The following EPHA3 variants were observed in gnomAD, a reference collection of about 807,000 sequenced individuals.
EPHA3 encodes the protein EPH receptor A3, also known as ephrin type-A receptor 3.
In EPHA3, 42 loss-of-function variants were observed where a neutral mutation model predicts 107.1. The observed-to-expected ratio is 0.39, with a 90% confidence interval of 0.31 to 0.51. EPHA3 has a LOEUF of 0.51. Among genes scored for constraint, EPHA3 ranks in the 20% least tolerant of loss-of-function variants. The pLI is 0.78. For missense variants in EPHA3, 1,183 were observed against 1,211.2 expected (o/e 0.98, Z 0.35); for synonymous variants, 461 against 424.8 (o/e 1.09, Z -1.05).
intron 3 of EPHA3, among the ~76,000 whole-genome samples, chr3:89,284,542 T>C (rs768131541): frequency 2.8e-4 from 43 of 152,302 alleles, no homozygotes; most frequent in Non-Finnish European, 5.4e-4. Flanking sequence ...ATTTCCTCTA[T>C]GTAGAAAATA....
intron 5 of EPHA3, among the ~76,000 whole-genome samples, chr3:89,387,277 A>G (rs553527122): frequency 3.9e-5 from 6 of 152,110 alleles, no homozygotes; most frequent in Non-Finnish European, 8.8e-5. Context: ...GTGGGAGGTA[A>G]TTAAATCATG....
Position 89,308,617 on chromosome 3 carries a change from T to C in EPHA3, c.815-32299T>C, listed in dbSNP as rs528728105. 6.3e-3 allele frequency among the ~76,000 whole-genome samples: 925 copies of C among 147,844 alleles called. 11 individuals carry two copies. Among genetic ancestry groups the C allele is most frequent in the Middle Eastern group, 0.017 (5 of 290 alleles). ...AGCCAAGGGAATTTTTTTTTTTTTT[T>C]AGTTTTCCAATAATTTGCAACTACA... On this transcript the variant is annotated intron_variant, in intron 3 of 16. Transcript: ENST00000336596.
At position 89,407,922 on chromosome 3, in the gene EPHA3, G is replaced by A. The variant is rs1403427484; in HGVS notation, c.1698-145G>A. ...AGAGGGGCTTTCTTCAGAGGATTTT[G>A]AAAATATGAAGTTATTAAACTTTCA... On this transcript the variant is annotated intron_variant, in intron 8 of 16. Transcript: ENST00000336596. 13 of 821,406 alleles carry A rather than the reference G, an allele frequency of 1.6e-5. No individual in the cohort carries two copies. The Middle Eastern group carries it at 2.3e-3, about 142-fold the overall frequency. The allele number at this position is 821,406 out of a possible 1,614,324, so 50.9% of individuals were successfully genotyped here.
chr3:89,337,962 T>G (rs760235057), intron 3 of EPHA3, among the ~76,000 whole-genome samples: 24 of 152,210 alleles, frequency 1.6e-4, no homozygotes, highest in Non-Finnish European at 2.6e-4. Flanking sequence ...CATGATCACA[T>G]GTAAGCTGCT....
At chr3:89,393,563 T>C (rs1316444114) in intron 5 of EPHA3, among the ~76,000 whole-genome samples, 1 of 152,214 alleles carries the variant, frequency 6.6e-6, no homozygotes, top group East Asian at 1.9e-4. Flanking sequence ...AAATTAAATG[T>C]AGGACCTCAT....
intron 3 of EPHA3, among the ~76,000 whole-genome samples, chr3:89,261,717 C>T (rs371834457): frequency 3.9e-5 from 6 of 152,002 alleles, no homozygotes; most frequent in African/African-American, 7.2e-5. Context: ...GTATCAGATA[C>T]GCACTCATTT....
chr3:89,352,923 A>AAAAAAAAAAAAAAAAAAAAAT (rs1456880270), intron 5 of EPHA3, among the ~76,000 whole-genome samples: 1 of 148,074 alleles, frequency 6.8e-6, no homozygotes. Flanking sequence ...AAAAAAAAAA[A>AAAAAAAAAAAAAAAAAAAAAT]GGAAAAAGAA....
chr3:89,115,012 T>C (rs1474182496), intron 1 of EPHA3, among the ~76,000 whole-genome samples: 1 of 152,132 alleles, frequency 6.6e-6, no homozygotes, highest in East Asian at 1.9e-4. Context: ...GTGTCTCTTT[T>C]CCATCCATTT....
chr3:89,116,343 A>G (rs1372046903), intron 1 of EPHA3, among the ~76,000 whole-genome samples: 1 of 152,178 alleles, frequency 6.6e-6, no homozygotes, highest in Non-Finnish European at 1.5e-5. Flanking sequence ...AAGGTCAGTA[A>G]TAGGAGAAAA....
chr3:89,357,807 G>A (rs1707999642), intron 5 of EPHA3, among the ~76,000 whole-genome samples: 1 of 151,038 alleles, frequency 6.6e-6, no homozygotes, highest in African/African-American at 2.4e-5. Context: ...GGTTTGAATT[G>A]ATATAGTAAA....
intron 2 of EPHA3, among the ~76,000 whole-genome samples, chr3:89,162,000 T>TAATAATAATA: frequency 6.7e-6 from 1 of 150,202 alleles, no homozygotes; most frequent in South Asian, 2.1e-4. Flanking sequence ...ATAATAATAG[T>TAATAATAATA]AATAATAATA....
chr3:89,110,098 G>A (rs1411640760), intron 1 of EPHA3, among the ~76,000 whole-genome samples: 1 of 151,910 alleles, frequency 6.6e-6, no homozygotes, highest in Non-Finnish European at 1.5e-5. Flanking sequence ...GTATATATGA[G>A]AGGAGTGGTG....
intron 3 of EPHA3, among the ~76,000 whole-genome samples, chr3:89,222,321 A>G (rs866733366): frequency 4.8e-3 from 231 of 48,176 alleles, no homozygotes; most frequent in African/African-American, 0.015. Flanking sequence ...TCATAAATAC[A>G]TATACATATA....
Position 89,472,487 on chromosome 3 carries a change from A to C in EPHA3, c.2714A>C (p.Gln905Pro), listed in dbSNP as rs759593006. The C allele has an allele frequency of 1.9e-6, 3 of 1,613,944 alleles. No individual in the cohort carries two copies. The highest frequency in any genetic ancestry group is 2.5e-6 in the Non-Finnish European group (3 of 1,179,912). The change falls in exon 16 of 17, where the codon CAA becomes CCA. Residue 905 changes from glutamine to proline, a missense_variant. Gln to Pro is a moderately conservative substitution (Grantham distance 76). Coordinates refer to ENST00000336596, the MANE Select transcript of EPHA3 (RefSeq NM_005233.6). ...AGGCCATCAAACCTTCTTCTGGACC[A>C]AAGCAATGTGGATATCACTACCTTC... The part of the protein sequence containing the change: ...AARPSNLLLD[Q>P]SNVDITTFRT...
intron 3 of EPHA3, among the ~76,000 whole-genome samples, chr3:89,236,434 T>C (rs1157744067): frequency 3.3e-5 from 5 of 151,744 alleles, no homozygotes; most frequent in Non-Finnish European, 7.4e-5. Context: ...AATTTAGCAA[T>C]ATAGTATTAA....
intron 10 of EPHA3, among the ~76,000 whole-genome samples, chr3:89,414,609 G>A (rs191265579): frequency 6.6e-6 from 1 of 151,716 alleles, no homozygotes; most frequent in African/African-American, 2.4e-5. Context: ...TGCAGCACGA[G>A]GACTTTGAAC....
rs1477887736 is a variant in EPHA3 at position 89,350,754 on chromosome 3, A to G, written c.1306+8664A>G. The stretch of plus-strand genomic sequence containing the variant: ...TTTCCCCATCTTTGTGGTTTTATCT[A>G]CTTTTGGTCTTTGATGATGGTGATG... On this transcript the variant is annotated intron_variant, in intron 5 of 16. Coordinates refer to ENST00000336596, the MANE Select transcript of EPHA3 (RefSeq NM_005233.6). Among the ~76,000 whole-genome samples, 7 of 150,566 alleles carry G rather than the reference A, an allele frequency of 4.6e-5. No homozygotes were observed. The South Asian group carries it at 1.0e-3, about 23-fold the overall frequency.
intron 3 of EPHA3, among the ~76,000 whole-genome samples, chr3:89,239,690 C>T (rs543087935): frequency 1.3e-5 from 2 of 152,072 alleles, no homozygotes; most frequent in Admixed American, 1.3e-4. Context: ...CTTTTATGAC[C>T]TTTTGAAAAG....
intron 5 of EPHA3, among the ~76,000 whole-genome samples, chr3:89,388,657 G>T (rs1306273443): frequency 2.0e-5 from 3 of 152,164 alleles, no homozygotes; most frequent in Admixed American, 6.5e-5. Context: ...TGGTATGTAT[G>T]TTGCAGTCTT....
Sources: allele counts gnomAD v4.1 joint callset (sites outside exome capture counted in the v4.1 genomes callset), GRCh38; gene constraint gnomAD v4.1.1; transcripts MANE v1.5; gene names NCBI Gene and HGNC (gene_info 2026-07-23, HGNC 2026-07-21).